The following CARD9 variants were observed in gnomAD, a reference collection of about 807,000 sequenced individuals.
CARD9 encodes the protein caspase recruitment domain family member 9.
In CARD9, 53 loss-of-function variants were observed where a neutral mutation model predicts 66.0. That is an observed-to-expected ratio of 0.80 (90% confidence interval 0.64 to 1.01). CARD9 has a LOEUF of 1.01. CARD9 is among the 50% of genes least tolerant of loss of function. CARD9 has a pLI of 0.00. For missense variants in CARD9, 769 were observed against 743.2 expected (o/e 1.03, Z -0.40); for synonymous variants, 387 against 313.8 (o/e 1.23, Z -2.47).
Position 136,371,079 on chromosome 9 carries a change from A to G in CARD9, c.389T>C (p.Val130Ala), listed in dbSNP as rs1833257824. Reference protein sequence around the residue: ...MTEVMKLQKKVQDLTALLSSK... With the variant: ...MTEVMKLQKKAQDLTALLSSK... Reference sequence around the variant, plus strand: ...GCTCAGCAGCGCGGTCAGGTCCTGCACCTTCTTCTGCAGCTTCATGACCTC... The same window carrying G: ...GCTCAGCAGCGCGGTCAGGTCCTGCGCCTTCTTCTGCAGCTTCATGACCTC... The change falls in exon 4 of 13, where the codon GTG becomes GCG. Residue 130 changes from valine (V) to alanine (A), a missense_variant. Coordinates refer to ENST00000371732, the MANE Select transcript of CARD9 (RefSeq NM_052813.5). 1.9e-6 allele frequency: 3 copies of G among 1,612,476 alleles called. No homozygotes were observed. Among genetic ancestry groups the G allele is most frequent in the South Asian group, 2.2e-5 (2 of 91,014 alleles).
chr9:136,367,009 C>A (rs554416962), intron 9 of CARD9, among the ~76,000 whole-genome samples, 164 bp from the exon 10 acceptor site: 1 of 152,322 alleles, frequency 6.6e-6, no homozygotes, highest in South Asian at 2.1e-4. Context: ...GGACATTGGG[C>A]GGCCAGGAGG....
intron 11 of CARD9, 55 bp downstream of exon 11, chr9:136,365,086 G>T: frequency 1.9e-6 from 3 of 1,564,452 alleles, no homozygotes; most frequent in Non-Finnish European, 1.8e-6. Flanking sequence ...CTCTCCCTGT[G>T]ATCGGTCACC....
At position 136,364,284 on chromosome 9, in the gene CARD9, G is replaced by A. The variant is rs1170332037; in HGVS notation, c.*18C>T. On this transcript the variant is annotated 3_prime_UTR_variant, in exon 13 of 13. Coordinates refer to ENST00000371732, the MANE Select transcript of CARD9 (RefSeq NM_052813.5). ...CGGGCCGGTGGGTGTGCCCTGGTCG[G>A]GGCCTGCGCTGCTGCGGCTAGGAGC... 1.3e-6 allele frequency: 2 copies of A among 1,552,302 alleles called. No homozygotes were observed. Among genetic ancestry groups the A allele is most frequent in the Admixed American group, 3.9e-5 (2 of 51,158 alleles).
intron 9 of CARD9, 112 bp downstream of exon 9, chr9:136,367,104 G>T: frequency 7.7e-7 from 1 of 1,304,406 alleles, no homozygotes; most frequent in Non-Finnish European, 1.1e-6. Flanking sequence ...ACCCAGCCCA[G>T]CCCACCGAGC....
At chr9:136,367,327 G>A (rs1029330911) in intron 8 of CARD9, 70 bp from the exon 9 acceptor site, 4 of 1,536,296 alleles carry the variant, frequency 2.6e-6, no homozygotes, top group Non-Finnish European at 3.6e-6. Context: ...GGTGGGCAGG[G>A]CACAGAGCGG....
At position 136,364,205 on chromosome 9, in the gene CARD9, C is replaced by A. The variant is rs1193802106; in HGVS notation, c.*97G>T. 9 of 1,550,410 alleles carry A rather than the reference C, an allele frequency of 5.8e-6. No homozygotes were observed. The highest frequency in any genetic ancestry group is 7.0e-6 in the Non-Finnish European group (8 of 1,146,788). On this transcript the variant is annotated 3_prime_UTR_variant, in exon 13 of 13. Transcript: ENST00000371732. ...TCCTCGTTCCAGGCCAAGTCAGCGA[C>A]GGCTCGGGGAAGTCTGCGCCCCAGG... is the stretch of plus-strand genomic sequence containing the variant.
At position 136,367,388 on chromosome 9, in the gene CARD9, A is replaced by G; in HGVS notation, c.1270-131T>C. 2.6e-6 allele frequency: 3 copies of G among 1,135,604 alleles called. No homozygotes were observed. The South Asian group carries it at 4.1e-5, about 16-fold the overall frequency. The allele number at this position is 1,135,604 out of a possible 1,614,324, so 70.3% of individuals were successfully genotyped here. A position where few individuals can be genotyped will look rare whatever the true frequency, so the allele number is the denominator to read the frequency against. On this transcript the variant is annotated intron_variant, in intron 8 of 12. Transcript: ENST00000371732. ...CCCTCAGCCACACCAGGCCCCCTCCATGCCCAGAACAACCTGCTAGGCTGC... is the reference window on the plus strand; with the variant it reads ...CCCTCAGCCACACCAGGCCCCCTCCGTGCCCAGAACAACCTGCTAGGCTGC...
rs186022072 is a variant in CARD9, at chr9:136,366,761, G to C, written c.1357+39C>G. 676 of 1,609,758 alleles carry C rather than the reference G, an allele frequency of 4.2e-4. 3 individuals are homozygous for C. In the African/African-American group the frequency reaches 8.1e-3, roughly 19 times the overall value. ...CTGAAGATGGGCCTCACTTGGGGAA[G>C]CTGGGAGGCCTCTGGGTGTACTGCT... On this transcript the variant is annotated intron_variant, in intron 10 of 12. Coordinates refer to ENST00000371732, the MANE Select transcript of CARD9 (RefSeq NM_052813.5).
chr9:136,366,790 C>A lies in CARD9; in HGVS notation c.1357+10G>T. On this transcript the variant is annotated intron_variant, in intron 10 of 12. Transcript: ENST00000371732. ...GGAGGCCTCTGGGTGTACTGCTGTC[C>A]CCACCTCACCTTTGTCTGAGAGCTG... The A allele has an allele frequency of 6.2e-7, 1 of 1,612,998 alleles. No homozygotes were observed. Among genetic ancestry groups the A allele is most frequent in the Non-Finnish European group, 8.5e-7 (1 of 1,179,870 alleles).
chr9:136,370,944 AGCTCGCGGCT>A lies in CARD9; in HGVS notation c.514_523del (p.Arg173SerfsTer43). The A allele has an allele frequency of 6.2e-7, 1 of 1,612,042 alleles. No individual in the cohort carries two copies. Among genetic ancestry groups the A allele is most frequent in the Non-Finnish European group, 8.5e-7 (1 of 1,179,706 alleles). ...GTAGTTCTCCTCCTTGCAGCGCTTGAGCTCGCGGCTGCCGGCCTCGCACTCCTCCTTGAGC... is the reference window on the plus strand; with the variant it reads ...GTAGTTCTCCTCCTTGCAGCGCTTGAGCCGGCCTCGCACTCCTCCTTGAGC... On this transcript the variant is annotated frameshift_variant, in exon 4 of 13. Transcript: ENST00000371732. LOFTEE classifies it high-confidence loss of function.
chr9:136,364,504 T>C lies in CARD9; in HGVS notation c.1490A>G (p.Glu497Gly), dbSNP rs1417369241. Residue 497 changes from glutamate to glycine, a missense_variant, in exon 12 of 13, where the codon GAG (glutamate) becomes GGG (glycine). By Grantham distance (98) the Glu-to-Gly change is moderately conservative. Transcript: ENST00000371732. ...CTACCTGCGGTAGTTCTCAAAACTC[T>C]CTTTGAGGCGCCGCCGCTCCTTCTC... ...PPEKERRRLK[E>G]SFENYRRKRA... 1.9e-6 allele frequency: 3 copies of C among 1,539,542 alleles called. No homozygotes were observed. Among genetic ancestry groups the C allele is most frequent in the East Asian group, 2.4e-5 (1 of 40,956 alleles).
chr9:136,364,666 G>A, intron 11 of CARD9, 107 bp from the exon 12 acceptor site: 1 of 1,155,682 alleles, frequency 8.7e-7, no homozygotes. Flanking sequence ...TGGGAGGCGA[G>A]GAGCCCAGAC....
chr9:136,373,290 G>T (rs765254923), intron 1 of CARD9, among the ~76,000 whole-genome samples: 22 of 152,370 alleles, frequency 1.4e-4, no homozygotes, highest in Non-Finnish European at 2.6e-4. Flanking sequence ...ACAGTCCTGG[G>T]AACACTGGGC....
In CARD9 at chr9:136,364,577, CT is replaced by C; in HGVS notation, c.1435-19del. On this transcript the variant is annotated intron_variant, in intron 11 of 12. Transcript: ENST00000371732. ...CCTGCGTCCTGGAGAAGGGGGAAGG[CT>C]CGGGCTCCGGCCGGCTCCCCTGAGG... 6.5e-7 allele frequency: 1 copy of C among 1,534,912 alleles called. No individual in the cohort carries two copies. Among genetic ancestry groups the C allele is most frequent in the Admixed American group, 2.0e-5 (1 of 50,800 alleles).
chr9:136,372,227 G>C (rs1269932230), intron 1 of CARD9, 133 bp from the exon 2 acceptor site: 114 of 1,259,350 alleles, frequency 9.1e-5, no homozygotes, highest in Non-Finnish European at 1.1e-4. Flanking sequence ...GGGGCATCCA[G>C]GAGAGGTGCC....
intron 7 of CARD9, 117 bp from the exon 8 acceptor site, chr9:136,367,945 G>A: frequency 6.9e-7 from 1 of 1,449,142 alleles, no homozygotes. Flanking sequence ...GCTGGGCGCG[G>A]AGGCTGGTCA....
chr9:136,365,052 G>T, intron 11 of CARD9, 89 bp downstream of exon 11: 1 of 1,322,460 alleles, frequency 7.6e-7, no homozygotes, highest in Non-Finnish European at 1.1e-6. Flanking sequence ...GGCCACCGCA[G>T]GGGGTGCCCA....
chr9:136,364,512 G>T lies in CARD9; in HGVS notation c.1482C>A (p.Arg494=). 1 of 1,539,198 alleles carries T rather than the reference G, an allele frequency of 6.5e-7. No homozygotes were observed. Among genetic ancestry groups the T allele is most frequent in the Middle Eastern group, 1.9e-4 (1 of 5,390 alleles). ...GGTAGTTCTCAAAACTCTCTTTGAG[G>T]CGCCGCCGCTCCTTCTCGGGCGGCT... ...SGEPPEKERR[R]LKESFENYRR... is the part of the protein sequence containing the mutation. Residue 494 remains arginine, a synonymous_variant, in exon 12 of 13, where the codon CGC becomes CGA. Coordinates refer to ENST00000371732, the MANE Select transcript of CARD9 (RefSeq NM_052813.5).
At chr9:136,368,311 G>A (rs560241225) in intron 7 of CARD9, among the ~76,000 whole-genome samples, 5 of 152,336 alleles carry the variant, frequency 3.3e-5, no homozygotes, top group Admixed American at 6.5e-5. Flanking sequence ...CTGGAGCAAC[G>A]GCTGGCAGCT....
Sources: gnomAD v4.1 joint callset for allele counts (sites outside exome capture counted in the v4.1 genomes callset) on GRCh38, gnomAD v4.1.1 for gene constraint, MANE v1.5 for transcripts, NCBI Gene and HGNC (gene_info 2026-07-23, HGNC 2026-07-21) for gene names.